GOLGA4: variants seen among roughly 807,000 people sequenced by gnomAD.
GOLGA4 encodes the protein golgin A4, also known as golgin subfamily A member 4.
GOLGA4 carries 169 observed loss-of-function variants against 265.9 expected under a neutral mutation model. That is an observed-to-expected ratio of 0.64 (90% confidence interval 0.56 to 0.72). GOLGA4 has a LOEUF of 0.72. Among genes scored for constraint, GOLGA4 ranks in the 30% least tolerant of loss-of-function variants. The pLI is 0.00. For synonymous variants in GOLGA4, 923 were observed against 855.8 expected, an observed-to-expected ratio of 1.08 and a Z score of -1.37; for missense variants, 2,482 against 2,483.4, an observed-to-expected ratio of 1.00 and a Z score of 0.01.
chr3:37,275,620 C>T (rs2096814912), intron 2 of GOLGA4: 2 of 1,556,548 alleles, frequency 1.3e-6, no homozygotes, highest in Non-Finnish European at 1.8e-6. Context: ...GTCGCTCCTG[C>T]TGTGTCTTCC....
intron 21 of GOLGA4, among the ~76,000 whole-genome samples, chr3:37,350,114 T>G (rs752057875): frequency 9.2e-5 from 14 of 152,142 alleles, no homozygotes; most frequent in Admixed American, 5.2e-4. Context: ...GCAGGAGAGA[T>G]CACTTGTAAA....
intron 2 of GOLGA4, among the ~76,000 whole-genome samples, chr3:37,277,096 G>A (rs963349934): frequency 2.6e-4 from 40 of 152,072 alleles, no homozygotes; most frequent in African/African-American, 8.9e-4. Context: ...TATCTAAAAT[G>A]TACATAATTT....
rs149294575 is a variant in GOLGA4 at position 37,273,515 on chromosome 3, A to G, written c.163-8443A>G. ...TAGTTTTTTGTTCTTTTGCTTTACAATGTTTCTTTCTTTTTCTTAGAATGC... is the reference window on the plus strand; with the variant it reads ...TAGTTTTTTGTTCTTTTGCTTTACAGTGTTTCTTTCTTTTTCTTAGAATGC... On this transcript the variant is annotated intron_variant, in intron 2 of 23. Coordinates refer to ENST00000361924, the MANE Select transcript of GOLGA4 (RefSeq NM_002078.5). The G allele has an allele frequency of 2.3e-4, 325 of 1,394,292 alleles. 1 individual carries two copies. The African/African-American group carries it at 3.8e-3, about 16-fold the overall frequency. The allele number at this position is 1,394,292 out of a possible 1,614,324, so 86.4% of individuals were successfully genotyped here.
Position 37,315,415 on chromosome 3 carries a change from T to C in GOLGA4, c.1235-5T>C, listed in dbSNP as rs1359074072. 1 of 1,607,500 alleles carries C rather than the reference T, an allele frequency of 6.2e-7. No homozygotes were observed. The highest frequency in any genetic ancestry group is 8.5e-7 in the Non-Finnish European group (1 of 1,177,586). On this transcript the variant is annotated splice_polypyrimidine_tract_variant and splice_region_variant and intron_variant, in intron 10 of 23. Coordinates refer to ENST00000361924, the MANE Select transcript of GOLGA4 (RefSeq NM_002078.5). ...GATACTTGTTTTCTGTTGTTTTCATTATAGCTTTTGAGGAACTTGAAAAAG... is the reference window on the plus strand; with the variant it reads ...GATACTTGTTTTCTGTTGTTTTCATCATAGCTTTTGAGGAACTTGAAAAAG...
intron 2 of GOLGA4, among the ~76,000 whole-genome samples, chr3:37,257,744 C>G (rs774385623): frequency 9.9e-5 from 15 of 151,264 alleles, no homozygotes; most frequent in Non-Finnish European, 2.1e-4. Flanking sequence ...CTATCCTGCT[C>G]TCTCTGGTTT....
intron 21 of GOLGA4, among the ~76,000 whole-genome samples, chr3:37,351,337 C>T (rs899596526): frequency 1.3e-5 from 2 of 152,124 alleles, no homozygotes; most frequent in African/African-American, 4.8e-5. Context: ...TTGATAGCTG[C>T]ACTATATCTA....
Position 37,243,645 on chromosome 3 carries a change from C to A in GOLGA4, c.72+23C>A, listed in dbSNP as rs139655694. 9.1e-5 allele frequency: 145 copies of A among 1,599,434 alleles called. No homozygotes were observed. The African/African-American group carries it at 1.4e-3, about 16-fold the overall frequency. On this transcript the variant is annotated intron_variant, in intron 1 of 23. Coordinates refer to ENST00000361924, the MANE Select transcript of GOLGA4 (RefSeq NM_002078.5). ...CAGGTACGATGGCCGCCGCTCTCCT[C>A]CCCTGGTTCCGAATACCTCTTGAAC...
chr3:37,362,737 C>T (rs555338575), intron 23 of GOLGA4, among the ~76,000 whole-genome samples: 4 of 146,622 alleles, frequency 2.7e-5, no homozygotes, highest in Admixed American at 2.1e-4. Flanking sequence ...AGGCTGGTCT[C>T]GAACTCCTGG....
chr3:37,299,964 T>A (rs1274313062), intron 9 of GOLGA4, among the ~76,000 whole-genome samples: 1 of 152,004 alleles, frequency 6.6e-6, no homozygotes, highest in Non-Finnish European at 1.5e-5. Context: ...GGCAGGAGGA[T>A]TGCTTGAGCC....
At chr3:37,318,188 C>A (rs1348404981) in intron 11 of GOLGA4, among the ~76,000 whole-genome samples, 1 of 151,928 alleles carries the variant, frequency 6.6e-6, no homozygotes, top group African/African-American at 2.4e-5. Flanking sequence ...ATTTAGTAAT[C>A]CACATTTCTC....
intron 22 of GOLGA4, among the ~76,000 whole-genome samples, chr3:37,355,860 C>G (rs2151071827): frequency 6.6e-6 from 1 of 152,114 alleles, no homozygotes; most frequent in South Asian, 2.1e-4. Context: ...CTTTCTGCTT[C>G]TTTTCCTTGT....
chr3:37,327,028 T>G lies in GOLGA4; in HGVS notation c.5142T>G (p.Asn1714Lys). The change falls in exon 14 of 24, where the codon AAT becomes AAG. Residue 1714 changes from asparagine (N) to lysine (K), a missense_variant. Transcript: ENST00000361924. ...ETLIVPRSAK[N>K]VAAYTEQEEA... The stretch of plus-strand genomic sequence containing the variant: ...TAATTGTACCCAGATCAGCAAAAAA[T>G]GTGGCAGCATATACTGAACAAGAAG... The G allele has an allele frequency of 6.2e-7, 1 of 1,613,870 alleles. No individual in the cohort carries two copies. Among genetic ancestry groups the G allele is most frequent in the Non-Finnish European group, 8.5e-7 (1 of 1,179,854 alleles).
At chr3:37,299,986 G>A (rs2096888630) in intron 9 of GOLGA4, among the ~76,000 whole-genome samples, 2 of 152,130 alleles carry the variant, frequency 1.3e-5, no homozygotes, top group African/African-American at 4.8e-5. Flanking sequence ...AGGAGTTAGA[G>A]GCTACAGTGA....
intron 5 of GOLGA4, among the ~76,000 whole-genome samples, chr3:37,292,022 G>T (rs1392014046): frequency 1.3e-5 from 2 of 152,182 alleles, no homozygotes; most frequent in East Asian, 3.9e-4. Context: ...CATGCTGGCA[G>T]AATAGTGTAT....
Position 37,331,897 on chromosome 3 carries a change from A to G in GOLGA4, c.6192+2804A>G, listed in dbSNP as rs189792362. ...TCTCTCCCCAGCACAATTACCTGAC[A>G]TATAACGGGCTCACAGGATATGGTT... On this transcript the variant is annotated intron_variant, in intron 16 of 23. Transcript: ENST00000361924. Among the ~76,000 whole-genome samples the G allele has an allele frequency of 2.4e-3, 373 of 152,300 alleles. 2 individuals carry two copies. Among genetic ancestry groups the G allele is most frequent in the Non-Finnish European group, 3.9e-3 (263 of 68,020 alleles).
At chr3:37,319,464 G>A (rs2096948628) in intron 12 of GOLGA4, 1 of 185,984 alleles carries the variant, frequency 5.4e-6, no homozygotes, top group African/African-American at 2.3e-5. Context: ...GTGAGATCTT[G>A]GCTCGCTGTA....
At chr3:37,329,234 C>G in intron 16 of GOLGA4, 141 bp downstream of exon 16, 1 of 572,808 alleles carries the variant, frequency 1.7e-6, no homozygotes, top group Non-Finnish European at 2.9e-6. Flanking sequence ...CAAATTAGTA[C>G]TGTTATATGC....
At chr3:37,245,273 G>A (rs1377992676) in intron 1 of GOLGA4, 1 of 152,610 alleles carries the variant, frequency 6.6e-6, no homozygotes, top group East Asian at 1.9e-4. Flanking sequence ...AACCTGTGAG[G>A]TAGATAATAC....
intron 2 of GOLGA4, among the ~76,000 whole-genome samples, chr3:37,277,635 G>A (rs1025945610): frequency 2.0e-5 from 3 of 152,190 alleles, no homozygotes; most frequent in African/African-American, 7.2e-5. Context: ...GAGTGAGATT[G>A]TTGAACAAAC....
Sources: allele counts gnomAD v4.1 joint callset (sites outside exome capture counted in the v4.1 genomes callset), GRCh38; gene constraint gnomAD v4.1.1; transcripts MANE v1.5; gene names NCBI Gene and HGNC (gene_info 2026-07-23, HGNC 2026-07-21).